The following ASTN2 variants were observed in gnomAD, a reference collection of about 807,000 sequenced individuals.
ASTN2 encodes the protein astrotactin 2.
In ASTN2, 54 loss-of-function variants were observed where a neutral mutation model predicts 139.8. That is an observed-to-expected ratio of 0.39 (90% CI 0.31 to 0.48). ASTN2 has a LOEUF of 0.48. ASTN2 is among the 20% of genes least tolerant of loss of function. ASTN2 has a pLI of 0.95. For missense variants in ASTN2, 1,565 were observed against 1,725.1 expected (o/e 0.91, Z 1.64); for synonymous variants, 756 against 719.5 (o/e 1.05, Z -0.81).
chr9:116,816,608 A>C (rs1046468242), intron 12 of ASTN2, among the ~76,000 whole-genome samples: 25 of 152,186 alleles, frequency 1.6e-4, no homozygotes, highest in East Asian at 9.7e-4. Flanking sequence ...AATGGCAATG[A>C]AGACATGCAG....
intron 4 of ASTN2, among the ~76,000 whole-genome samples, chr9:117,109,444 C>A (rs757253556): frequency 6.6e-6 from 1 of 152,102 alleles, no homozygotes; most frequent in Non-Finnish European, 1.5e-5. Context: ...TTACACCCAA[C>A]TCTCTGGTTC....
At chr9:116,514,456 A>C (rs1850548612) in intron 19 of ASTN2, among the ~76,000 whole-genome samples, 1 of 152,152 alleles carries the variant, frequency 6.6e-6, no homozygotes, top group African/African-American at 2.4e-5. Flanking sequence ...TCAGGGACCC[A>C]CTTGAGGAGG....
chr9:116,616,021 C>A (rs1263023690), intron 19 of ASTN2, among the ~76,000 whole-genome samples: 1 of 152,110 alleles, frequency 6.6e-6, no homozygotes, highest in Non-Finnish European at 1.5e-5. Flanking sequence ...CTGCTCTTAC[C>A]ACTTCTGTTC....
intron 1 of ASTN2, among the ~76,000 whole-genome samples, chr9:117,318,906 G>T (rs1333057195): frequency 1.3e-5 from 2 of 152,162 alleles, no homozygotes; most frequent in Non-Finnish European, 2.9e-5. Context: ...AGAGGTGCTG[G>T]TTCAGCCGCT....
At chr9:117,336,704 T>C (rs1828895162) in intron 1 of ASTN2, among the ~76,000 whole-genome samples, 1 of 152,184 alleles carries the variant, frequency 6.6e-6, no homozygotes, top group Admixed American at 6.5e-5. Context: ...TTTGATTCTC[T>C]AGCCTCCAGT....
chr9:116,820,799 G>T lies in ASTN2; in HGVS notation c.2041-16C>A. Reference sequence around the variant, plus strand: ...CCTCAGGGCACTGCTCAGAGAGAGGGCAACAGGGTAGTTATGGCTTGGGAG... The same window carrying T: ...CCTCAGGGCACTGCTCAGAGAGAGGTCAACAGGGTAGTTATGGCTTGGGAG... On this transcript the variant is annotated splice_polypyrimidine_tract_variant and intron_variant, in intron 11 of 22. Coordinates refer to ENST00000313400, the MANE Select transcript of ASTN2 (RefSeq NM_001365068.1). The T allele has an allele frequency of 1.2e-6, 2 of 1,605,316 alleles. No individual in the cohort carries two copies. Among genetic ancestry groups the T allele is most frequent in the Non-Finnish European group, 1.7e-6 (2 of 1,174,108 alleles).
chr9:117,181,157 G>C, intron 3 of ASTN2: 1 of 732,962 alleles, frequency 1.4e-6, no homozygotes, highest in Non-Finnish European at 2.4e-6. Flanking sequence ...TTGCACAATG[G>C]GCCCCCATGA....
intron 10 of ASTN2, among the ~76,000 whole-genome samples, chr9:116,965,513 T>C (rs1160229728): frequency 6.6e-6 from 1 of 152,068 alleles, no homozygotes; most frequent in African/African-American, 2.4e-5. Context: ...ACCCCTATCA[T>C]GACAAGATGG....
chr9:116,516,728 C>T lies in ASTN2; in HGVS notation c.3356-29228G>A, dbSNP rs546590095. Among the ~76,000 whole-genome samples the T allele has an allele frequency of 6.1e-4, 93 of 152,336 alleles. 1 individual carries two copies. The highest frequency in any genetic ancestry group is 6.8e-3 in the Middle Eastern group (2 of 294). The stretch of plus-strand genomic sequence containing the variant: ...CTTGTGATCTGGGGCAAGTTTTCAG[C>T]CCTGGCTACCAGCTTCCTGGAAATA... On this transcript the variant is annotated intron_variant, in intron 19 of 22. Transcript: ENST00000313400.
In ASTN2 at chr9:117,094,508, A is replaced by G. The variant is rs142793964; in HGVS notation, c.1276+1536T>C. 7.7e-3 allele frequency among the ~76,000 whole-genome samples: 1,167 copies of G among 152,270 alleles called. 12 individuals are homozygous for G. The highest frequency in any genetic ancestry group is 0.023 in the African/African-American group (946 of 41,552). On this transcript the variant is annotated intron_variant, in intron 5 of 22. Transcript: ENST00000313400. ...GGAGAAGACCAGTCAAGAATCATCA[A>G]TCGTCAACTTCTAAATCTCCAATGC... is the stretch of plus-strand genomic sequence containing the variant.
intron 20 of ASTN2, among the ~76,000 whole-genome samples, chr9:116,469,996 G>A (rs2119004831): frequency 6.6e-6 from 1 of 152,166 alleles, no homozygotes; most frequent in South Asian, 2.1e-4. Flanking sequence ...CCTGAGGTCA[G>A]GAGTTCGAGA....
intron 1 of ASTN2, among the ~76,000 whole-genome samples, chr9:117,349,025 T>C (rs1000763415): frequency 6.6e-6 from 1 of 152,106 alleles, no homozygotes; most frequent in Non-Finnish European, 1.5e-5. Context: ...ATTTATTGAG[T>C]GGCAACTGGT....
At chr9:116,847,017 A>C (rs1481206528) in intron 11 of ASTN2, among the ~76,000 whole-genome samples, 17 of 143,764 alleles carry the variant, frequency 1.2e-4, no homozygotes, top group African/African-American at 3.9e-4. Flanking sequence ...CAAAAAAAAA[A>C]AAAAAAAAAC....
intron 2 of ASTN2, among the ~76,000 whole-genome samples, chr9:117,275,342 G>C (rs1299340039): frequency 3.9e-5 from 6 of 151,998 alleles, no homozygotes; most frequent in African/African-American, 1.5e-4. Context: ...GTATTAGTCT[G>C]CCCACACTGC....
intron 2 of ASTN2, among the ~76,000 whole-genome samples, chr9:117,279,354 A>T (rs577336499): frequency 3.9e-5 from 6 of 152,370 alleles, no homozygotes; most frequent in Admixed American, 2.6e-4. Context: ...TTAACCTTCT[A>T]GACCTTGGTT....
intron 13 of ASTN2, among the ~76,000 whole-genome samples, chr9:116,746,367 T>C (rs1445333883): frequency 6.6e-6 from 1 of 152,142 alleles, no homozygotes; most frequent in Admixed American, 6.5e-5. Context: ...ATTACAGGCT[T>C]GAGCCACCAT....
chr9:116,678,914 G>C (rs1258975290), intron 16 of ASTN2, among the ~76,000 whole-genome samples: 2 of 152,156 alleles, frequency 1.3e-5, no homozygotes, highest in Non-Finnish European at 2.9e-5. Context: ...TAACATTAAA[G>C]ATGCACTAAT....
chr9:116,924,254 T>TAAAAAAAA (rs1312741464), intron 10 of ASTN2, among the ~76,000 whole-genome samples: 2 of 142,852 alleles, frequency 1.4e-5, no homozygotes, highest in African/African-American at 5.3e-5. Flanking sequence ...ACTAAAAATA[T>TAAAAAAAA]AAAAAAAAAA....
At chr9:116,919,231 T>C (rs1034501252) in intron 10 of ASTN2, among the ~76,000 whole-genome samples, 1 of 152,170 alleles carries the variant, frequency 6.6e-6, no homozygotes, top group South Asian at 2.1e-4. Context: ...AACAAGAAGT[T>C]TGATGTGGTA....
Sources: allele counts gnomAD v4.1 joint callset (sites outside exome capture counted in the v4.1 genomes callset), GRCh38; gene constraint gnomAD v4.1.1; transcripts MANE v1.5; gene names NCBI Gene and HGNC (gene_info 2026-07-23, HGNC 2026-07-21).